RIMS4: variants seen among roughly 807,000 people sequenced by gnomAD.
RIMS4 encodes regulating synaptic membrane exocytosis protein 4.
In RIMS4, 9 loss-of-function variants were observed where a neutral mutation model predicts 29.0. The observed-to-expected ratio is 0.31, with a 90% CI of 0.19 to 0.54. RIMS4 has a LOEUF of 0.54. RIMS4 is among the 20% of genes least tolerant of loss of function. RIMS4 has a pLI of 0.94. For missense variants in RIMS4, 193 were observed against 365.7 expected, an observed-to-expected ratio of 0.53 and a Z score of 3.85; for synonymous variants, 130 against 152.9, an observed-to-expected ratio of 0.85 and a Z score of 1.10.
intron 2 of RIMS4, among the ~76,000 whole-genome samples, chr20:44,759,414 C>T (rs578233768): frequency 3.3e-5 from 5 of 152,268 alleles, no homozygotes; most frequent in South Asian, 4.2e-4. Flanking sequence ...TGTACCACCA[C>T]GCCCGGCCAA....
At chr20:44,764,596 A>C (rs1020612643) in intron 2 of RIMS4, among the ~76,000 whole-genome samples, 6 of 152,146 alleles carry the variant, frequency 3.9e-5, no homozygotes, top group Admixed American at 3.3e-4. Context: ...AAGTCAATGG[A>C]AAGTTGTACC....
At chr20:44,805,648 C>T (rs1198240583) in intron 1 of RIMS4, among the ~76,000 whole-genome samples, 6 of 152,128 alleles carry the variant, frequency 3.9e-5, no homozygotes. Flanking sequence ...AGGATTCATT[C>T]CCACCATCTT....
chr20:44,772,471 G>A (rs1760483882), intron 1 of RIMS4, among the ~76,000 whole-genome samples: 1 of 152,156 alleles, frequency 6.6e-6, no homozygotes, highest in African/African-American at 2.4e-5. Context: ...CTTGAGAGCA[G>A]CCTTAATCCT....
chr20:44,758,005 G>A (rs1331609436), intron 3 of RIMS4, 67 bp downstream of exon 3: 3 of 1,197,738 alleles, frequency 2.5e-6, no homozygotes, highest in Non-Finnish European at 3.6e-6. Context: ...AGGAGGGAGA[G>A]ACGCTGAGCT....
chr20:44,759,335 G>A (rs1006577150), intron 2 of RIMS4, among the ~76,000 whole-genome samples: 2 of 151,856 alleles, frequency 1.3e-5, no homozygotes, highest in African/African-American at 2.4e-5. Context: ...TTGCAGCTTC[G>A]AACTCCTGGG....
At chr20:44,771,228 C>A (rs370428180) in intron 2 of RIMS4, 47 bp downstream of exon 2, 78 of 1,579,632 alleles carry the variant, frequency 4.9e-5, no homozygotes, top group Middle Eastern at 1.7e-4. Context: ...CCGTGCCCCA[C>A]CACAAAAGAC....
intron 1 of RIMS4, among the ~76,000 whole-genome samples, chr20:44,792,514 A>G (rs1477506837): frequency 6.6e-6 from 1 of 150,928 alleles, no homozygotes; most frequent in Admixed American, 6.6e-5. Context: ...CTGGTCTTGA[A>G]CTCTTGACCT....
chr20:44,756,920 C>G lies in RIMS4; in HGVS notation c.569G>C (p.Ser190Thr). ...CACCTGGAGGACTTTGCCCTGGGGA[C>G]TCTCAGGAAACAGCAGCACCTGGTT... ...LYNQVLLFPE[S>T]PQGKVLQVIV... The change falls in exon 5 of 6, where the codon AGT becomes ACT. Residue 190 changes from serine (S) to threonine (T), a missense_variant. Physicochemically the swap from Ser to Thr is moderately conservative, Grantham distance 58. Coordinates refer to ENST00000372851, the MANE Select transcript of RIMS4 (RefSeq NM_182970.4). The surrounding 1 kb of genome is among the most constrained non-coding windows in gnomAD (Gnocchi z 5.9). 3.7e-6 allele frequency: 6 copies of G among 1,614,020 alleles called. No individual in the cohort carries two copies. The highest frequency in any genetic ancestry group is 5.1e-6 in the Non-Finnish European group (6 of 1,179,944).
chr20:44,802,829 C>G (rs889149420), intron 1 of RIMS4, among the ~76,000 whole-genome samples: 2 of 152,216 alleles, frequency 1.3e-5, no homozygotes, highest in African/African-American at 4.8e-5. Flanking sequence ...TCTTGTCTCT[C>G]TAACCACACT....
intron 1 of RIMS4, among the ~76,000 whole-genome samples, chr20:44,801,707 A>G (rs1417284460): frequency 6.6e-6 from 1 of 152,096 alleles, no homozygotes; most frequent in Admixed American, 6.5e-5. Flanking sequence ...CTTTGTACAA[A>G]TGACTTCCTA....
chr20:44,761,058 G>A (rs1232323202), intron 2 of RIMS4, among the ~76,000 whole-genome samples: 2 of 152,038 alleles, frequency 1.3e-5, no homozygotes, highest in African/African-American at 4.8e-5. Context: ...ACTTCCCCAG[G>A]ACACAGGCAT....
chr20:44,794,743 T>G (rs764694869), intron 1 of RIMS4, among the ~76,000 whole-genome samples: 3 of 152,158 alleles, frequency 2.0e-5, no homozygotes, highest in Admixed American at 6.5e-5. Flanking sequence ...TTTTTTTGTC[T>G]CTTGCGCACT....
chr20:44,772,211 T>C (rs1198584847), intron 1 of RIMS4, among the ~76,000 whole-genome samples: 1 of 152,152 alleles, frequency 6.6e-6, no homozygotes, highest in Non-Finnish European at 1.5e-5. Context: ...AAGATCTTTC[T>C]TGACCTCTCC....
At chr20:44,768,490 G>T (rs1391974395) in intron 2 of RIMS4, among the ~76,000 whole-genome samples, 1 of 152,190 alleles carries the variant, frequency 6.6e-6, no homozygotes, top group African/African-American at 2.4e-5. Context: ...TCAGAGCCCG[G>T]CATTTGGGCC....
chr20:44,770,661 G>A (rs1004838757), intron 2 of RIMS4, among the ~76,000 whole-genome samples: 17 of 152,260 alleles, frequency 1.1e-4, no homozygotes, highest in Middle Eastern at 3.4e-3. Context: ...ACGTGTTCCC[G>A]TGATTCTGAC....
chr20:44,778,738 G>T (rs2066171189), intron 1 of RIMS4, among the ~76,000 whole-genome samples: 2 of 152,326 alleles, frequency 1.3e-5, no homozygotes, highest in South Asian at 2.1e-4. Context: ...TATTTCTAGA[G>T]CATCTTCAGG....
At chr20:44,787,081 A>C (rs1410620943) in intron 1 of RIMS4, among the ~76,000 whole-genome samples, 1 of 152,184 alleles carries the variant, frequency 6.6e-6, no homozygotes, top group Non-Finnish European at 1.5e-5. Context: ...TTCTCTCTGA[A>C]ACAGAGTGAT....
chr20:44,766,236 A>C (rs2066113113), intron 2 of RIMS4, among the ~76,000 whole-genome samples: 2 of 152,176 alleles, frequency 1.3e-5, no homozygotes, highest in Non-Finnish European at 2.9e-5. Flanking sequence ...AATCCTTCTC[A>C]ACACAGCACT....
At chr20:44,805,906 C>G (rs1431998418) in intron 1 of RIMS4, among the ~76,000 whole-genome samples, 1 of 152,186 alleles carries the variant, frequency 6.6e-6, no homozygotes, top group African/African-American at 2.4e-5. Flanking sequence ...CCCAGAAGTA[C>G]TCAGACCACC....
Sources: allele counts gnomAD v4.1 joint callset (sites outside exome capture counted in the v4.1 genomes callset), GRCh38; gene constraint gnomAD v4.1.1; non-coding constraint Gnocchi (gnomAD v3.1); transcripts MANE v1.5; gene names NCBI Gene and HGNC (gene_info 2026-07-23, HGNC 2026-07-21).